Variants in TRPV1 observed in about 807,000 individuals in gnomAD.
The protein encoded by TRPV1 is OTRPC1.
TRPV1 carries 82 observed loss-of-function variants against 82.3 expected under a neutral mutation model. The ratio of observed to expected loss-of-function variants is 1.00; its 90% CI spans 0.83 to 1.20. The LOEUF is 1.20. TRPV1 is among the 50% of genes most tolerant of loss of function. The pLI is 0.00. For missense variants in TRPV1, 1,067 were observed against 1,096.8 expected (o/e 0.97, Z 0.38); for synonymous variants, 515 against 467.7 (o/e 1.10, Z -1.30).
chr17:3,597,538 G>A (rs1341803627), intron 2 of TRPV1, among the ~76,000 whole-genome samples: 2 of 152,082 alleles, frequency 1.3e-5, no homozygotes, highest in Non-Finnish European at 2.9e-5. Context: ...TAGGCCTCTC[G>A]TTCCTGGGTC....
chr17:3,586,065 G>A, intron 8 of TRPV1, 139 bp from the exon 9 acceptor site: 1 of 1,119,040 alleles, frequency 8.9e-7, no homozygotes, highest in Non-Finnish European at 1.3e-6. Flanking sequence ...GGAGGTCTGA[G>A]CCAGCCGGCA....
At chr17:3,589,657 A>T in intron 7 of TRPV1, 150 bp downstream of exon 7, 1 of 999,680 alleles carries the variant, frequency 1.0e-6, no homozygotes, top group Non-Finnish European at 1.4e-6. Context: ...AATTTCTCAG[A>T]CTTATTCTAA....
At chr17:3,576,014 C>T (rs1208943978) in intron 13 of TRPV1, among the ~76,000 whole-genome samples, 1 of 150,914 alleles carries the variant, frequency 6.6e-6, no homozygotes, top group African/African-American at 2.4e-5. Context: ...CACTTGAGGT[C>T]AGGAGCTCAA....
chr17:3,572,348 G>T, intron 14 of TRPV1, 99 bp from the exon 15 acceptor site: 6 of 1,426,278 alleles, frequency 4.2e-6, no homozygotes, highest in East Asian at 2.5e-5. Context: ...GCTCTCCCAG[G>T]CCTAGATGCC....
Position 3,583,330 on chromosome 17 carries a change from A to G in TRPV1, c.1476+8T>C. ...ATGGAAACTCACAATGTGGGAAGGA[A>G]CGCTTACCCCTCGGAAAAAGAAGTA... On this transcript the variant is annotated splice_region_variant and intron_variant, in intron 10 of 16. Coordinates refer to ENST00000572705, the MANE Select transcript of TRPV1 (RefSeq NM_080704.4). 6.2e-7 allele frequency: 1 copy of G among 1,602,770 alleles called. No individual in the cohort carries two copies. The highest frequency in any genetic ancestry group is 1.1e-5 in the South Asian group (1 of 88,992).
At chr17:3,591,381 A>C (rs1190886177) in intron 3 of TRPV1, 28 bp from the exon 4 acceptor site, 5 of 1,543,066 alleles carry the variant, frequency 3.2e-6, no homozygotes, top group Non-Finnish European at 4.4e-6. Flanking sequence ...CGCTCGTCTC[A>C]TACCCTGGCC....
intron 3 of TRPV1, 102 bp downstream of exon 3, chr17:3,591,965 C>A (rs2075163682): frequency 2.7e-6 from 4 of 1,469,564 alleles, no homozygotes; most frequent in African/African-American, 1.4e-5. Flanking sequence ...CTCTCCAGCC[C>A]CCTGGCTTTG....
intron 11 of TRPV1, chr17:3,578,218 G>C (rs897424031): frequency 6.4e-6 from 1 of 155,618 alleles, no homozygotes; most frequent in Non-Finnish European, 1.4e-5. Flanking sequence ...TGAGGCAGGA[G>C]AATCACCTGA....
chr17:3,572,749 A>G (rs576595309), intron 14 of TRPV1, among the ~76,000 whole-genome samples: 100 of 152,326 alleles, frequency 6.6e-4, no homozygotes, highest in South Asian at 1.4e-3. Flanking sequence ...TTGGGAGGCC[A>G]AGGCAGGCAG....
At chr17:3,597,468 C>A (rs1463005847) in intron 2 of TRPV1, among the ~76,000 whole-genome samples, 9 of 152,106 alleles carry the variant, frequency 5.9e-5, no homozygotes, top group Non-Finnish European at 1.3e-4. Context: ...ACAGTACTGG[C>A]CTGGCATTAG....
At chr17:3,603,292 A>G (rs1196734412) in intron 2 of TRPV1, among the ~76,000 whole-genome samples, 1 of 152,104 alleles carries the variant, frequency 6.6e-6, no homozygotes, top group Non-Finnish European at 1.5e-5. Flanking sequence ...TTGAAGTCTG[A>G]GCTGGGGAGG....
intron 14 of TRPV1, among the ~76,000 whole-genome samples, chr17:3,573,039 C>A (rs566549559): frequency 6.8e-6 from 1 of 147,168 alleles, no homozygotes; most frequent in African/African-American, 2.5e-5. Context: ...CTTCACAGGA[C>A]TGTTGTGAGG....
At chr17:3,567,775 CAA>C (rs1295174983) in intron 16 of TRPV1, among the ~76,000 whole-genome samples, 10 of 104,534 alleles carry the variant, frequency 9.6e-5, no homozygotes, top group Admixed American at 1.0e-4. Context: ...GATTCTGTCT[CAA>C]AAAAAAAAAA....
rs2074893710 is a variant in TRPV1 at position 3,573,865 on chromosome 17, G to GTGCGATAGCTCCT, written c.1870_1871insAGGAGCTATCGCA (p.Pro624GlnfsTer7). 1 of 1,612,818 alleles carries GTGCGATAGCTCCT rather than the reference G, an allele frequency of 6.2e-7. No individual in the cohort carries two copies. The highest frequency in any genetic ancestry group is 1.3e-5 in the African/African-American group (1 of 74,780). ...GTACAGGCTGTTGTAGGAGCTATCG[G>GTGCGATAGCTCCT]GGGGCCTGCAGGCAGGCCCCCGCCA... On this transcript the variant is annotated frameshift_variant, in exon 14 of 17. Coordinates refer to ENST00000572705, the MANE Select transcript of TRPV1 (RefSeq NM_080704.4). LOFTEE classifies it high-confidence loss of function.
At chr17:3,569,655 A>C (rs1377596102) in intron 16 of TRPV1, among the ~76,000 whole-genome samples, 4 of 152,184 alleles carry the variant, frequency 2.6e-5, no homozygotes, top group African/African-American at 9.7e-5. Context: ...GGGGAAGAGG[A>C]GGAAGGATTC....
chr17:3,580,446 G>T lies in TRPV1; in HGVS notation c.1547+11C>A, dbSNP rs781718058. ...GGGACTGGACTGGGAATGAGTCAAA[G>T]TGTCACTTACAAAAGCATCTCACTG... On this transcript the variant is annotated intron_variant, in intron 11 of 16. Coordinates refer to ENST00000572705, the MANE Select transcript of TRPV1 (RefSeq NM_080704.4). 3.7e-6 allele frequency: 6 copies of T among 1,614,002 alleles called. No individual in the cohort carries two copies. The South Asian group carries it at 4.4e-5, about 12-fold the overall frequency.
At chr17:3,604,576 C>T (rs980081722) in intron 2 of TRPV1, among the ~76,000 whole-genome samples, 7 of 136,280 alleles carry the variant, frequency 5.1e-5, no homozygotes, top group African/African-American at 1.9e-4. Context: ...CTAGCCTGGG[C>T]AACAGAGGAA....
intron 10 of TRPV1, among the ~76,000 whole-genome samples, chr17:3,583,075 G>A (rs914780972): frequency 2.0e-5 from 3 of 152,114 alleles, no homozygotes; most frequent in African/African-American, 7.2e-5. Context: ...CTCTGCCCCT[G>A]TAATCAAATA....
intron 9 of TRPV1, among the ~76,000 whole-genome samples, chr17:3,584,156 G>C (rs1456830547): frequency 6.6e-6 from 1 of 152,002 alleles, no homozygotes. Flanking sequence ...TGTAATCCCA[G>C]CTACTTGGGA....
Sources: allele counts gnomAD v4.1 joint callset (sites outside exome capture counted in the v4.1 genomes callset), GRCh38; gene constraint gnomAD v4.1.1; transcripts MANE v1.5; gene names NCBI Gene and HGNC (gene_info 2026-07-23, HGNC 2026-07-21).